HMGB2: variants seen among roughly 807,000 people sequenced by gnomAD.
HMGB2 encodes the protein high mobility group box 2, also known as high mobility group protein B2.
HMGB2 carries 2 observed loss-of-function variants against 23.0 expected under a neutral mutation model. The observed-to-expected ratio is 0.09, with a 90% confidence interval of 0.04 to 0.27. The LOEUF (loss-of-function observed/expected upper bound fraction) is 0.27. HMGB2 is among the 10% of genes least tolerant of loss of function. The pLI is 1.00. For missense variants in HMGB2, 178 were observed against 256.5 expected, an observed-to-expected ratio of 0.69 and a Z score of 2.09; for synonymous variants, 99 against 87.5, an observed-to-expected ratio of 1.13 and a Z score of -0.73.
chr4:173,332,892 A>C lies in HMGB2; in HGVS notation c.400T>G (p.Ser134Ala). The change falls in exon 4 of 5, where the codon TCT becomes GCT. Residue 134 changes from serine to alanine, a missense_variant. Ser to Ala is a moderately conservative substitution (Grantham distance 99). This residue lies in a region of HMGB2 where 43 missense variants were observed against 103.3 expected (regional missense o/e 0.42). Transcript: ENST00000296503. Reference sequence around the variant, plus strand: ...TGTTTATCTTTGGCTGACTGCTCAGACCACATTTCACCCAATTTCTTTGCA... The same window carrying C: ...TGTTTATCTTTGGCTGACTGCTCAGCCCACATTTCACCCAATTTCTTTGCA... ...DTAKKLGEMW[S>A]EQSAKDKQPY... The C allele has an allele frequency of 6.2e-7, 1 of 1,614,152 alleles. No individual in the cohort carries two copies. The highest frequency in any genetic ancestry group is 8.5e-7 in the Non-Finnish European group (1 of 1,180,016).
rs1738180521 is a variant in HMGB2, at chr4:173,333,924, G to A, written c.-20-255C>T. On this transcript the variant is annotated intron_variant, in intron 1 of 4. Coordinates refer to ENST00000296503, the MANE Select transcript of HMGB2 (RefSeq NM_002129.4). The surrounding 1 kb of genome is among the most constrained non-coding windows in gnomAD (Gnocchi z 4.6). The stretch of plus-strand genomic sequence containing the variant: ...GCCCAGCAAGTGGCTCCCGGGGCCC[G>A]AGACGCCGCCGCCCGCCCTTCACCG... The A allele has an allele frequency of 4.4e-6, 1 of 225,862 alleles. No homozygotes were observed. 14.0% of individuals were successfully genotyped at this position (225,862 alleles called of 1,614,324 possible). A position where few individuals can be genotyped will look rare whatever the true frequency, so the allele number is the denominator to read the frequency against.
chr4:173,332,476 C>G, intron 4 of HMGB2: 1 of 517,930 alleles, frequency 1.9e-6, no homozygotes, highest in Non-Finnish European at 3.4e-6. Flanking sequence ...TTTTACATCA[C>G]ACACAGTGCC....
Position 173,332,057 on chromosome 4 carries a change from AC to A in HMGB2, c.*22del. 6.2e-7 allele frequency: 1 copy of A among 1,613,504 alleles called. No homozygotes were observed. Among genetic ancestry groups the A allele is most frequent in the Non-Finnish European group, 8.5e-7 (1 of 1,179,896 alleles). ...GCCTGAGCACACACACACATTCCACACGCATCATTAAAGGATAGCCATTTAT... is the reference window on the plus strand; with the variant it reads ...GCCTGAGCACACACACACATTCCACAGCATCATTAAAGGATAGCCATTTAT... On this transcript the variant is annotated 3_prime_UTR_variant, in exon 5 of 5. Coordinates refer to ENST00000296503, the MANE Select transcript of HMGB2 (RefSeq NM_002129.4).
rs750355063 is a variant in HMGB2 at position 173,332,038 on chromosome 4, G to C, written c.*42C>G. On this transcript the variant is annotated 3_prime_UTR_variant, in exon 5 of 5. Transcript: ENST00000296503. ...CATTCTTAGCAAAATAATTGCCTGA[G>C]CACACACACACATTCCACACGCATC... is the stretch of plus-strand genomic sequence containing the variant. 1 of 1,607,054 alleles carries C rather than the reference G, an allele frequency of 6.2e-7. No homozygotes were observed. Among genetic ancestry groups the C allele is most frequent in the South Asian group, 1.1e-5 (1 of 89,992 alleles).
chr4:173,332,212 G>T lies in HMGB2; in HGVS notation c.498C>A (p.Gly166=). Residue 166 remains glycine (G), a synonymous_variant, in exon 5 of 5, where the codon GGC becomes GGA. Transcript: ENST00000296503. ...GGCCCTTCTTTCCTGCTTCACTTTT[G>T]CCCTTGGCACGATATGCAGCAATAT... ...EKDIAAYRAK[G]KSEAGKKGPG... is the part of the protein sequence containing the mutation. The T allele has an allele frequency of 1.2e-6, 2 of 1,601,740 alleles. No homozygotes were observed. The highest frequency in any genetic ancestry group is 1.7e-6 in the Non-Finnish European group (2 of 1,174,540).
Position 173,331,813 on chromosome 4 carries a change from A to T in HMGB2, c.*267T>A. On this transcript the variant is annotated 3_prime_UTR_variant, in exon 5 of 5. Transcript: ENST00000296503. The stretch of plus-strand genomic sequence containing the variant: ...TCCTACAAGTTTGCTGTGCTACCAT[A>T]CACAAGAAATTAAAAAAACCATTAA... 2.7e-6 allele frequency: 1 copy of T among 367,000 alleles called. No homozygotes were observed. Among genetic ancestry groups the T allele is most frequent in the Non-Finnish European group, 4.9e-6 (1 of 205,398 alleles). 22.7% of individuals were successfully genotyped at this position (367,000 alleles called of 1,614,324 possible).
At chr4:173,332,355 T>C (rs1738124221) in intron 4 of HMGB2, 117 bp from the exon 5 acceptor site, 1 of 759,222 alleles carries the variant, frequency 1.3e-6, no homozygotes, top group African/African-American at 1.8e-5. Context: ...TCTAAAAAGG[T>C]AACCAGTCTA....
Position 173,332,098 on chromosome 4 carries a change from C to T in HMGB2, c.612G>A (p.Glu204=). 1.2e-6 allele frequency: 2 copies of T among 1,612,138 alleles called. No individual in the cohort carries two copies. The highest frequency in any genetic ancestry group is 1.7e-4 in the Middle Eastern group (1 of 6,052). The change falls in exon 5 of 5, where the codon GAG becomes GAA. Residue 204 remains glutamate, a synonymous_variant. Transcript: ENST00000296503. ...TAGCCATTTATTCTTCATCTTCATC[C>T]TCTTCCTCCTCATCTTCATCTTCTT... The part of the protein sequence containing the change: ...EEEEDEDEEE[E]DEDEE
chr4:173,333,711 C>T lies in HMGB2; in HGVS notation c.-20-42G>A. The stretch of plus-strand genomic sequence containing the variant: ...GGGAGAGGGGAAGCCGGAGGGTCGG[C>T]GCGGAGCCCGCAGCTGCCAGGGCGG... On this transcript the variant is annotated intron_variant, in intron 1 of 4. Transcript: ENST00000296503. This position sits in a 1 kb window ranked among gnomAD's most constrained non-coding sequence, Gnocchi z 4.6. 1 of 1,475,666 alleles carries T rather than the reference C, an allele frequency of 6.8e-7. No individual in the cohort carries two copies. The allele number at this position is 1,475,666 out of a possible 1,614,324, so 91.4% of individuals were successfully genotyped here. A position where few individuals can be genotyped will look rare whatever the true frequency, so the allele number is the denominator to read the frequency against.
Position 173,333,416 on chromosome 4 carries a change from A to G in HMGB2, c.150+84T>C. 3 of 1,507,878 alleles carry G rather than the reference A, an allele frequency of 2.0e-6. No individual in the cohort carries two copies. Among genetic ancestry groups the G allele is most frequent in the South Asian group, 1.3e-5 (1 of 78,086 alleles). 93.4% of individuals were successfully genotyped at this position (1,507,878 alleles called of 1,614,324 possible). ...CACTGGGGTGGCAAAGTTGAAGCTC[A>G]TGAGTTGCCTACTACCTGCCTAAGG... is the stretch of plus-strand genomic sequence containing the variant. On this transcript the variant is annotated intron_variant, in intron 2 of 4. Coordinates refer to ENST00000296503, the MANE Select transcript of HMGB2 (RefSeq NM_002129.4). This position sits in a 1 kb window ranked among gnomAD's most constrained non-coding sequence, Gnocchi z 4.6.
chr4:173,333,580 G>C lies in HMGB2; in HGVS notation c.70C>G (p.Arg24Gly). 2 of 1,614,132 alleles carry C rather than the reference G, an allele frequency of 1.2e-6. No individual in the cohort carries two copies. Among genetic ancestry groups the C allele is most frequent in the Non-Finnish European group, 1.7e-6 (2 of 1,179,994 alleles). Residue 24 changes from arginine (R) to glycine (G), a missense_variant, in exon 2 of 5, where the codon CGG becomes GGG. Transcript: ENST00000296503. The surrounding 1 kb of genome is among the most constrained non-coding windows in gnomAD (Gnocchi z 4.6). Reference sequence around the variant, plus strand: ...GGGTGTTTCTTCTTGTGCTCTTCCCGGCAGGTCTGCACGAAGAAGGCGTAC... The same window carrying C: ...GGGTGTTTCTTCTTGTGCTCTTCCCCGCAGGTCTGCACGAAGAAGGCGTAC... Reference protein sequence around the residue: ...SSYAFFVQTCREEHKKKHPDS... With the variant: ...SSYAFFVQTCGEEHKKKHPDS...
rs1738089056 is a variant in HMGB2, at chr4:173,331,388, A to ATGTG, written c.*691_*692insCACA. 4.3e-5 allele frequency among the ~76,000 whole-genome samples: 6 copies of ATGTG among 140,880 alleles called. No homozygotes were observed. Among genetic ancestry groups the ATGTG allele is most frequent in the East Asian group, 3.9e-4 (2 of 5,104 alleles). 92.4% of individuals were successfully genotyped at this position (140,880 alleles called of 152,430 possible). ...TGTATATATATACATATATATATAT[A>ATGTG]TATATATGTATATATATATACACAC... On this transcript the variant is annotated 3_prime_UTR_variant, in exon 5 of 5. Coordinates refer to ENST00000296503, the MANE Select transcript of HMGB2 (RefSeq NM_002129.4).
Position 173,332,787 on chromosome 4 carries a change from C to G in HMGB2, c.471+34G>C, listed in dbSNP as rs11939608. 6.3e-6 allele frequency: 10 copies of G among 1,583,064 alleles called. No homozygotes were observed. The Admixed American group carries it at 8.4e-5, about 13-fold the overall frequency. On this transcript the variant is annotated intron_variant, in intron 4 of 4. Transcript: ENST00000296503. ...TCTACAGTTATTACCTATACCTAGT[C>G]TTATCCACGGCTTTAAAAAAGATGA...
rs1227353867 is a variant in HMGB2, at chr4:173,333,793, C to CTCCTCCCGAGGGCG, written c.-20-138_-20-125dup. ...CCGCTCCCGCCCTGCCCGCGCCCCC[C>CTCCTCCCGAGGGCG]TCCTCCCGAGGGCGTCCTCCCAAGG... On this transcript the variant is annotated intron_variant, in intron 1 of 4. Transcript: ENST00000296503. The surrounding 1 kb of genome is among the most constrained non-coding windows in gnomAD (Gnocchi z 4.6). The CTCCTCCCGAGGGCG allele has an allele frequency of 4.6e-6, 3 of 658,750 alleles. No homozygotes were observed. The highest frequency in any genetic ancestry group is 6.6e-6 in the Non-Finnish European group (3 of 454,418). The allele number at this position is 658,750 out of a possible 1,614,324, so 40.8% of individuals were successfully genotyped here.
rs1302992825 is a variant in HMGB2, at chr4:173,333,469, C to T, written c.150+31G>A. 6.2e-7 allele frequency: 1 copy of T among 1,600,622 alleles called. No homozygotes were observed. The highest frequency in any genetic ancestry group is 8.5e-7 in the Non-Finnish European group (1 of 1,172,324). On this transcript the variant is annotated intron_variant, in intron 2 of 4. Transcript: ENST00000296503. This position sits in a 1 kb window ranked among gnomAD's most constrained non-coding sequence, Gnocchi z 4.6. Reference sequence around the variant, plus strand: ...CTCCTAGCCGAAAACCACACCTGCACCCCCTGAGCTCCGTCCCTCTCCTGC... The same window carrying T: ...CTCCTAGCCGAAAACCACACCTGCATCCCCTGAGCTCCGTCCCTCTCCTGC...
intron 1 of HMGB2, chr4:173,334,066 C>T (rs1242823608): frequency 5.9e-5 from 9 of 152,940 alleles, no homozygotes; most frequent in African/African-American, 2.2e-4. Flanking sequence ...ATTGAAAACT[C>T]CCAGAACCGG....
intron 4 of HMGB2, chr4:173,332,584 T>A (rs1738130764): frequency 1.9e-6 from 1 of 523,668 alleles, no homozygotes; most frequent in Admixed American, 3.4e-5. Context: ...ATACAGACTA[T>A]ACAATAACTA....
Position 173,333,894 on chromosome 4 carries a change from G to A in HMGB2, c.-20-225C>T, listed in dbSNP as rs1578935574. 3 of 254,102 alleles carry A rather than the reference G, an allele frequency of 1.2e-5. No homozygotes were observed. The highest frequency in any genetic ancestry group is 5.6e-5 in the Admixed American group (1 of 17,886). 15.7% of individuals were successfully genotyped at this position (254,102 alleles called of 1,614,324 possible). A position where few individuals can be genotyped will look rare whatever the true frequency, so the allele number is the denominator to read the frequency against. On this transcript the variant is annotated intron_variant, in intron 1 of 4. Coordinates refer to ENST00000296503, the MANE Select transcript of HMGB2 (RefSeq NM_002129.4). This position sits in a 1 kb window ranked among gnomAD's most constrained non-coding sequence, Gnocchi z 4.6. ...CCTCCTCCCGGCCCGAGCGGCCGCG[G>A]CTCAGCCCAGCAAGTGGCTCCCGGG...
chr4:173,333,475 G>C lies in HMGB2; in HGVS notation c.150+25C>G. ...GCCGAAAACCACACCTGCACCCCCT[G>C]AGCTCCGTCCCTCTCCTGCCTCACC... On this transcript the variant is annotated intron_variant, in intron 2 of 4. Transcript: ENST00000296503. This position sits in a 1 kb window ranked among gnomAD's most constrained non-coding sequence, Gnocchi z 4.6. 1.2e-6 allele frequency: 2 copies of C among 1,605,692 alleles called. No homozygotes were observed. The highest frequency in any genetic ancestry group is 8.5e-7 in the Non-Finnish European group (1 of 1,175,108).
Sources: allele counts gnomAD v4.1 joint callset (sites outside exome capture counted in the v4.1 genomes callset), GRCh38; gene constraint gnomAD v4.1.1; regional missense constraint gnomAD v4.1.1; non-coding constraint Gnocchi (gnomAD v3.1); transcripts MANE v1.5; gene names NCBI Gene and HGNC (gene_info 2026-07-23, HGNC 2026-07-21).